Variants in ALMS1 observed in about 807,000 individuals in gnomAD.
ALMS1 encodes ALMS1 centrosome and basal body associated protein.
In ALMS1, 271 loss-of-function variants were observed where a neutral mutation model predicts 352.2. That is an observed-to-expected ratio of 0.77 (90% CI 0.70 to 0.85). The LOEUF (loss-of-function observed/expected upper bound fraction) is 0.85, where lower values mean the gene tolerates loss of function less well. Among genes scored for constraint, ALMS1 ranks in the 40% least tolerant of loss-of-function variants. The probability of loss-of-function intolerance (pLI) is 0.00; values close to 1 mark genes in which losing one functional copy is unlikely to be tolerated. For missense variants in ALMS1, 5,445 were observed against 4,870.7 expected (o/e 1.12, Z -3.51); for synonymous variants, 1,865 against 1,761.2 (o/e 1.06, Z -1.48).
rs1180431442 is a variant in ALMS1, at chr2:73,449,900, G to A, written c.3373G>A (p.Val1125Ile). The change falls in exon 8 of 23, where the codon GTA becomes ATA. Residue 1125 changes from valine to isoleucine, a missense_variant. Transcript: ENST00000613296. ...GCCTAAAGAGGCTCTGAAAATTTCA[G>A]TAGCTCCTGGACTAGCAGACCAGAA... ...HLPKEALKIS[V>I]APGLADQKTG... is the part of the protein sequence containing the mutation. 6.2e-7 allele frequency: 1 copy of A among 1,613,584 alleles called. No homozygotes were observed. Among genetic ancestry groups the A allele is most frequent in the Admixed American group, 1.7e-5 (1 of 59,962 alleles).
intron 12 of ALMS1, among the ~76,000 whole-genome samples, chr2:73,541,631 A>C (rs539315011): frequency 6.6e-6 from 1 of 152,340 alleles, no homozygotes; most frequent in South Asian, 2.1e-4. Context: ...CCAGACTAAT[A>C]AAGAAGAAAA....
chr2:73,553,157 A>G (rs1405069372), intron 13 of ALMS1, among the ~76,000 whole-genome samples: 1 of 152,220 alleles, frequency 6.6e-6, no homozygotes, highest in Non-Finnish European at 1.5e-5. Flanking sequence ...AAGAAAACAT[A>G]CATTCCATAT....
At chr2:73,464,657 T>G (rs1672288977) in intron 9 of ALMS1, among the ~76,000 whole-genome samples, 1 of 152,062 alleles carries the variant, frequency 6.6e-6, no homozygotes, top group Non-Finnish European at 1.5e-5. Context: ...ACTCAAATTG[T>G]CCCTGTTTGC....
Position 73,573,332 on chromosome 2 carries a change from T to A in ALMS1, c.11455T>A (p.Tyr3819Asn), listed in dbSNP as rs761539239. Residue 3819 changes from tyrosine to asparagine, a missense_variant, in exon 16 of 23, where the codon TAC becomes AAC. Tyr to Asn is a moderately radical substitution (Grantham distance 143). Coordinates refer to ENST00000613296, the MANE Select transcript of ALMS1 (RefSeq NM_001378454.1). ...YSSITNQQRR[Y>N]LEKRSKHSKK... ...CAGCATCACCAACCAACAGAGGAGA[T>A]ACCTTGAGAAGCGGAGCAAACACAG... The A allele has an allele frequency of 1.9e-6, 3 of 1,614,092 alleles. No homozygotes were observed. The highest frequency in any genetic ancestry group is 2.5e-6 in the Non-Finnish European group (3 of 1,180,004).
At chr2:73,543,117 A>T (rs1336121109) in intron 12 of ALMS1, among the ~76,000 whole-genome samples, 1 of 152,226 alleles carries the variant, frequency 6.6e-6, no homozygotes, top group Non-Finnish European at 1.5e-5. Flanking sequence ...TTCAAACTAT[A>T]CTACAAGGCT....
rs559313738 is a variant in ALMS1 at position 73,530,412 on chromosome 2, A to G, written c.9782-4412A>G. On this transcript the variant is annotated intron_variant, in intron 11 of 22. Coordinates refer to ENST00000613296, the MANE Select transcript of ALMS1 (RefSeq NM_001378454.1). ...CCAAAATTTCCTTTGACTCCATGTC[A>G]TACATCCAGGGCATGCTGATGCAAG... 4.6e-5 allele frequency among the ~76,000 whole-genome samples: 7 copies of G among 152,330 alleles called. No individual in the cohort carries two copies. The South Asian group carries it at 1.5e-3, about 32-fold the overall frequency.
intron 16 of ALMS1, among the ~76,000 whole-genome samples, chr2:73,582,050 A>ATT (rs1234991124): frequency 6.6e-6 from 1 of 152,144 alleles, no homozygotes; most frequent in East Asian, 1.9e-4. Context: ...CCTGTGTTAC[A>ATT]TTTTTAATAT....
rs1553418638 is a variant in ALMS1, at chr2:73,573,425, G to A, written c.11547+1G>A. ...GCACACCAGAAGGAGACACATCCAG[G>A]TACATGGCTACAGATTCCATCTGGC... On this transcript the variant is annotated splice_donor_variant, in intron 16 of 22. Coordinates refer to ENST00000613296, the MANE Select transcript of ALMS1 (RefSeq NM_001378454.1). LOFTEE classifies it high-confidence loss of function. 1.2e-6 allele frequency: 2 copies of A among 1,613,862 alleles called. No homozygotes were observed. The highest frequency in any genetic ancestry group is 4.5e-5 in the East Asian group (2 of 44,860).
chr2:73,529,295 C>T (rs577545536), intron 11 of ALMS1, among the ~76,000 whole-genome samples: 2 of 152,240 alleles, frequency 1.3e-5, no homozygotes, highest in African/African-American at 2.4e-5. Context: ...CTGCCCACCT[C>T]GGCCTCCCAA....
At chr2:73,538,659 A>G (rs1271127057) in intron 12 of ALMS1, among the ~76,000 whole-genome samples, 3 of 152,148 alleles carry the variant, frequency 2.0e-5, no homozygotes, top group Non-Finnish European at 4.4e-5. Flanking sequence ...GACAGAAGGC[A>G]CCTGGAAAAT....
chr2:73,580,282 C>T (rs1165209667), intron 16 of ALMS1, among the ~76,000 whole-genome samples: 1 of 152,154 alleles, frequency 6.6e-6, no homozygotes, highest in African/African-American at 2.4e-5. Flanking sequence ...TACGTAATTT[C>T]ATTTCACCTA....
intron 1 of ALMS1, among the ~76,000 whole-genome samples, chr2:73,397,530 T>G (rs1244445226): frequency 6.6e-6 from 1 of 152,096 alleles, no homozygotes; most frequent in Admixed American, 6.6e-5. Context: ...TGCAATGGCA[T>G]TATCTTGGCT....
At chr2:73,520,585 A>T (rs1017185218) in intron 11 of ALMS1, among the ~76,000 whole-genome samples, 4 of 152,242 alleles carry the variant, frequency 2.6e-5, no homozygotes, top group Non-Finnish European at 5.9e-5. Context: ...ACAGGAAGGA[A>T]CAAAAAGCAT....
At chr2:73,474,371 CTGTGTGTG>C (rs377039331) in intron 9 of ALMS1, among the ~76,000 whole-genome samples, 1 of 95,470 alleles carries the variant, frequency 1.0e-5, no homozygotes, top group Non-Finnish European at 2.3e-5. Flanking sequence ...CTTGTTGACT[CTGTGTGTG>C]TGTGTGTGTG....
At chr2:73,387,644 G>A (rs1181468574) in intron 1 of ALMS1, among the ~76,000 whole-genome samples, 1 of 152,160 alleles carries the variant, frequency 6.6e-6, no homozygotes, top group African/African-American at 2.4e-5. Context: ...GGATTTAGGG[G>A]CTTTATCTCT....
At chr2:73,516,041 C>G (rs1673548559) in intron 10 of ALMS1, among the ~76,000 whole-genome samples, 1 of 152,090 alleles carries the variant, frequency 6.6e-6, no homozygotes, top group African/African-American at 2.4e-5. Context: ...TATTTGCAAA[C>G]TGTGCATCCA....
At chr2:73,446,432 T>C (rs1376137633) in intron 7 of ALMS1, among the ~76,000 whole-genome samples, 1 of 152,208 alleles carries the variant, frequency 6.6e-6, no homozygotes, top group Non-Finnish European at 1.5e-5. Context: ...ACTTTTCTTA[T>C]TTTCTTTAGA....
At chr2:73,514,462 G>A (rs925855681) in intron 10 of ALMS1, among the ~76,000 whole-genome samples, 1 of 151,958 alleles carries the variant, frequency 6.6e-6, no homozygotes, top group East Asian at 1.9e-4. Context: ...CCTCCTATTT[G>A]TGCTTTTGTT....
At position 73,452,560 on chromosome 2, in the gene ALMS1, T is replaced by G. The variant is rs1671969545; in HGVS notation, c.6033T>G (p.Phe2011Leu). The G allele has an allele frequency of 1.9e-6, 3 of 1,613,898 alleles. No homozygotes were observed. The highest frequency in any genetic ancestry group is 2.5e-6 in the Non-Finnish European group (3 of 1,179,994). Residue 2011 changes from phenylalanine to leucine, a missense_variant, in exon 8 of 23, where the codon TTT becomes TTG. Phe to Leu is a conservative substitution (Grantham distance 22). Coordinates refer to ENST00000613296, the MANE Select transcript of ALMS1 (RefSeq NM_001378454.1). ...TACCAGATGACCAGAAAACTGAGTT[T>G]CCAGCAGCTACCCTTAGTTCCTACT... ...VHIPDDQKTEFPAATLSSYSQ... is the reference protein window; with the variant it reads ...VHIPDDQKTELPAATLSSYSQ...
Sources: gnomAD v4.1 joint callset for allele counts (sites outside exome capture counted in the v4.1 genomes callset) on GRCh38, gnomAD v4.1.1 for gene constraint, MANE v1.5 for transcripts, NCBI Gene and HGNC (gene_info 2026-07-23, HGNC 2026-07-21) for gene names.